Variants in GRIK2 observed in about 807,000 individuals in gnomAD.
GRIK2 encodes the protein glutamate ionotropic receptor kainate type subunit 2, also known as glutamate receptor ionotropic, kainate 2.
In GRIK2, 32 loss-of-function variants were observed where a neutral mutation model predicts 100.3. That is an observed-to-expected ratio of 0.32 (90% CI 0.24 to 0.43). The LOEUF (loss-of-function observed/expected upper bound fraction) is 0.43, where lower values mean the gene tolerates loss of function less well. Ranked by LOEUF, GRIK2 falls within the 20% of genes least tolerant of loss-of-function variation. The pLI, the probability that GRIK2 is intolerant of heterozygous loss-of-function variation, is 1.00. For synonymous variants in GRIK2, 417 were observed against 389.4 expected (o/e 1.07, Z -0.83); for missense variants, 843 against 1,114.9 (o/e 0.76, Z 3.47).
At chr6:101,959,750 T>A (rs560337230) in intron 14 of GRIK2, among the ~76,000 whole-genome samples, 2 of 152,270 alleles carry the variant, frequency 1.3e-5, no homozygotes, top group South Asian at 4.1e-4. Flanking sequence ...AGAGTCCCTT[T>A]AGAAGTGATT....
intron 8 of GRIK2, 145 bp from the exon 9 acceptor site, chr6:101,802,186 A>C (rs2128414590): frequency 2.4e-6 from 1 of 417,894 alleles, no homozygotes; most frequent in South Asian, 7.8e-5. Flanking sequence ...ACATTTTTCA[A>C]ATTTCAGAAG....
intron 2 of GRIK2, among the ~76,000 whole-genome samples, chr6:101,446,817 G>A (rs1770405780): frequency 6.9e-6 from 1 of 145,320 alleles, no homozygotes; most frequent in Non-Finnish European, 1.5e-5. Flanking sequence ...ATTTTTTTTT[G>A]TGAGAGAATT....
At chr6:101,955,617 C>T (rs28874735) in intron 14 of GRIK2, among the ~76,000 whole-genome samples, 4,425 of 114,794 alleles carry the variant, frequency 0.039, 95 homozygotes, top group Middle Eastern at 0.073. Flanking sequence ...TCTCTCTCTC[C>T]CCCCCATTTC....
intron 14 of GRIK2, among the ~76,000 whole-genome samples, chr6:101,939,059 C>T (rs970330882): frequency 6.6e-6 from 1 of 151,890 alleles, no homozygotes; most frequent in African/African-American, 2.4e-5. Flanking sequence ...TGACTGTTTT[C>T]AGAACACTAT....
intron 15 of GRIK2, among the ~76,000 whole-genome samples, chr6:102,050,648 TAA>T (rs146553452): frequency 1.2e-4 from 5 of 43,320 alleles, no homozygotes; most frequent in African/African-American, 2.8e-4. Context: ...AAACTCGGTC[TAA>T]AAAAAAAAAA....
intron 2 of GRIK2, among the ~76,000 whole-genome samples, chr6:101,604,117 G>A (rs756854240): frequency 1.3e-4 from 20 of 151,356 alleles, no homozygotes; most frequent in Admixed American, 4.0e-4. Flanking sequence ...AAATTCTTTC[G>A]AGGATTTATC....
At chr6:101,910,335 T>C (rs887354715) in intron 12 of GRIK2, among the ~76,000 whole-genome samples, 5 of 151,248 alleles carry the variant, frequency 3.3e-5, no homozygotes, top group Non-Finnish European at 5.9e-5. Flanking sequence ...GGGATTTTGT[T>C]TGGTTTTTTT....
intron 2 of GRIK2, among the ~76,000 whole-genome samples, chr6:101,448,128 A>G (rs1250236738): frequency 6.6e-6 from 1 of 151,696 alleles, no homozygotes; most frequent in East Asian, 1.9e-4. Context: ...GAGTTAGTCT[A>G]CCTAACACAG....
At chr6:101,571,008 T>C (rs1777498938) in intron 2 of GRIK2, among the ~76,000 whole-genome samples, 1 of 152,184 alleles carries the variant, frequency 6.6e-6, no homozygotes. Flanking sequence ...AAAGGATAGT[T>C]CTTGTGATTT....
chr6:101,599,313 C>G (rs377640003), intron 2 of GRIK2, among the ~76,000 whole-genome samples: 1 of 151,452 alleles, frequency 6.6e-6, no homozygotes, highest in Non-Finnish European at 1.5e-5. Context: ...TTGATCAGTC[C>G]CCTATTGATG....
At position 101,627,105 on chromosome 6, in the gene GRIK2, G is replaced by A. The variant is rs1390486363; in HGVS notation, c.541+468G>A. Among the ~76,000 whole-genome samples the A allele has an allele frequency of 6.3e-5, 8 of 126,270 alleles. No homozygotes were observed. The South Asian group carries it at 7.4e-4, about 12-fold the overall frequency. The allele number at this position is 126,270 out of a possible 152,430, so 82.8% of individuals were successfully genotyped here. ...TATTGAATAATGTGTGTGTGTGTGC[G>A]TGTGTGTGTCTCTGTGTGTGTGTGT... is the stretch of plus-strand genomic sequence containing the variant. On this transcript the variant is annotated intron_variant, in intron 4 of 16. Transcript: ENST00000369134.
At chr6:101,928,760 C>G in intron 14 of GRIK2, 128 bp downstream of exon 14, 1 of 630,634 alleles carries the variant, frequency 1.6e-6, no homozygotes, top group South Asian at 1.9e-5. Flanking sequence ...GCATATACCT[C>G]AAGGGGTGGA....
chr6:101,966,898 C>CTTAA (rs1792712765), intron 14 of GRIK2, among the ~76,000 whole-genome samples: 1 of 151,968 alleles, frequency 6.6e-6, no homozygotes, highest in South Asian at 2.1e-4. Flanking sequence ...TAAAAATAAA[C>CTTAA]TTAATTTTAT....
At chr6:101,974,730 A>C (rs1467317504) in intron 14 of GRIK2, among the ~76,000 whole-genome samples, 1 of 152,002 alleles carries the variant, frequency 6.6e-6, no homozygotes, top group Non-Finnish European at 1.5e-5. Context: ...TGTTAGCCAC[A>C]CATACAAAAT....
chr6:101,627,851 G>A (rs767701313), intron 4 of GRIK2, among the ~76,000 whole-genome samples: 1 of 151,970 alleles, frequency 6.6e-6, no homozygotes, highest in Non-Finnish European at 1.5e-5. Context: ...CATACAAATG[G>A]TTATCTTGAA....
At chr6:101,600,983 G>A (rs1462137636) in intron 2 of GRIK2, among the ~76,000 whole-genome samples, 1 of 151,800 alleles carries the variant, frequency 6.6e-6, no homozygotes, top group Admixed American at 6.6e-5. Context: ...AGTGATGAGA[G>A]TGGGCAAGCT....
At chr6:101,997,338 C>T (rs1794703479) in intron 14 of GRIK2, among the ~76,000 whole-genome samples, 1 of 152,098 alleles carries the variant, frequency 6.6e-6, no homozygotes, top group Non-Finnish European at 1.5e-5. Flanking sequence ...TAATGAACCA[C>T]TCTAACGTAC....
At chr6:101,470,777 A>G (rs1771908163) in intron 2 of GRIK2, among the ~76,000 whole-genome samples, 4 of 152,128 alleles carry the variant, frequency 2.6e-5, no homozygotes, top group Admixed American at 2.6e-4. Context: ...TATTATAATC[A>G]ATGCTAGAAA....
At chr6:101,422,110 G>A (rs890115520) in intron 2 of GRIK2, among the ~76,000 whole-genome samples, 11 of 152,288 alleles carry the variant, frequency 7.2e-5, no homozygotes, top group South Asian at 2.1e-4. Context: ...AATAGCAGCA[G>A]TTGTGTACTT....
Sources: gnomAD v4.1 joint callset for allele counts (sites outside exome capture counted in the v4.1 genomes callset) on GRCh38, gnomAD v4.1.1 for gene constraint, MANE v1.5 for transcripts, NCBI Gene and HGNC (gene_info 2026-07-23, HGNC 2026-07-21) for gene names.